The following NFASC variants were observed in gnomAD, a reference collection of about 807,000 sequenced individuals.
The protein encoded by NFASC is neurofascin, also known as neurofascin homolog.
In NFASC, 43 loss-of-function variants were observed where a neutral mutation model predicts 147.5. That is an observed-to-expected ratio of 0.29 (90% confidence interval 0.23 to 0.38). NFASC has a LOEUF of 0.38. NFASC is among the 10% of genes least tolerant of loss of function. The pLI is 1.00. For missense variants in NFASC, 1,320 were observed against 1,689.0 expected, an observed-to-expected ratio of 0.78 and a Z score of 3.83; for synonymous variants, 622 against 665.5, an observed-to-expected ratio of 0.93 and a Z score of 1.01.
chr1:204,995,202 C>T (rs570228624), intron 24 of NFASC, among the ~76,000 whole-genome samples: 2 of 152,194 alleles, frequency 1.3e-5, no homozygotes, highest in South Asian at 2.1e-4. Context: ...CACAGAGCAG[C>T]GGAAAGAGCC....
intron 1 of NFASC, among the ~76,000 whole-genome samples, chr1:204,836,628 T>C (rs1673881465): frequency 6.6e-6 from 1 of 152,264 alleles, no homozygotes; most frequent in Non-Finnish European, 1.5e-5. Flanking sequence ...ATGCAAGACA[T>C]TGTTGTCACT....
intron 27 of NFASC, among the ~76,000 whole-genome samples, chr1:205,008,056 G>GCTTTTCAGCCCGGGGCT (rs2096167345): frequency 6.6e-6 from 1 of 151,992 alleles, no homozygotes; most frequent in Non-Finnish European, 1.5e-5. Flanking sequence ...AGCCCGGGGC[G>GCTTTTCAGCCCGGGGCT]CCCTGGGCAA....
intron 8 of NFASC, among the ~76,000 whole-genome samples, chr1:204,962,797 A>G (rs148380076): frequency 4.9e-4 from 74 of 152,264 alleles, no homozygotes; most frequent in African/African-American, 1.8e-3. Context: ...CTTTGGTAGT[A>G]TATGCAAATC....
intron 15 of NFASC, among the ~76,000 whole-genome samples, chr1:204,976,429 A>G (rs1478528728): frequency 6.6e-5 from 10 of 152,212 alleles, no homozygotes; most frequent in Admixed American, 6.5e-4. Context: ...TGAAGGTGGC[A>G]AACGTGCTTC....
At chr1:204,949,995 T>C (rs2094000055) in intron 3 of NFASC, among the ~76,000 whole-genome samples, 1 of 152,200 alleles carries the variant, frequency 6.6e-6, no homozygotes, top group African/African-American at 2.4e-5. Flanking sequence ...CAATGTACCA[T>C]GAAAGGGGCA....
At chr1:204,972,534 G>A (rs2095291405) in intron 11 of NFASC, among the ~76,000 whole-genome samples, 1 of 152,166 alleles carries the variant, frequency 6.6e-6, no homozygotes, top group Admixed American at 6.5e-5. Context: ...TCCAGCCTCT[G>A]CTCTCTGCAT....
At chr1:204,985,428 C>G (rs1038885776) in intron 21 of NFASC, among the ~76,000 whole-genome samples, 2 of 152,170 alleles carry the variant, frequency 1.3e-5, no homozygotes, top group Admixed American at 1.3e-4. Context: ...TTCAGACTTC[C>G]GGGGGTAACT....
chr1:205,009,853 G>A lies in NFASC; in HGVS notation c.3421+165G>A, dbSNP rs560247482. On this transcript the variant is annotated intron_variant, in intron 28 of 29. Coordinates refer to ENST00000339876, the MANE Select transcript of NFASC (RefSeq NM_001005388.3). Reference sequence around the variant, plus strand: ...GCCTGTGCATCTTCAGACTGCCAGCGAGCACTTGAGTTAATTAAGTTCGCC... The same window carrying A: ...GCCTGTGCATCTTCAGACTGCCAGCAAGCACTTGAGTTAATTAAGTTCGCC... The A allele has an allele frequency of 6.7e-6, 5 of 750,312 alleles. No homozygotes were observed. The East Asian group carries it at 1.1e-4, about 16-fold the overall frequency. 46.5% of individuals were successfully genotyped at this position (750,312 alleles called of 1,614,324 possible).
At chr1:204,918,647 A>G (rs1300077682) in intron 1 of NFASC, among the ~76,000 whole-genome samples, 1 of 143,914 alleles carries the variant, frequency 6.9e-6, no homozygotes, top group Non-Finnish European at 1.5e-5. Flanking sequence ...GTGCAGTGGC[A>G]TGATCTCAGC....
intron 26 of NFASC, among the ~76,000 whole-genome samples, chr1:205,002,105 A>T (rs886441586): frequency 1.1e-4 from 16 of 152,190 alleles, no homozygotes; most frequent in African/African-American, 3.4e-4. Flanking sequence ...ATGCACAGGC[A>T]CACACTTTTT....
chr1:204,835,327 A>G (rs1673425955), intron 1 of NFASC, among the ~76,000 whole-genome samples: 1 of 149,136 alleles, frequency 6.7e-6, no homozygotes, highest in Non-Finnish European at 1.5e-5. Flanking sequence ...CTCCCAGGTC[A>G]AGCAATTCTC....
At position 204,950,558 on chromosome 1, in the gene NFASC, A is replaced by T; in HGVS notation, c.93A>T (p.Pro31=). 1 of 1,612,642 alleles carries T rather than the reference A, an allele frequency of 6.2e-7. No homozygotes were observed. Among genetic ancestry groups the T allele is most frequent in the Non-Finnish European group, 8.5e-7 (1 of 1,179,334 alleles). Residue 31 remains proline (P), a splice_region_variant and synonymous_variant, in exon 4 of 30, where the codon CCA becomes CCT. Coordinates refer to ENST00000339876, the MANE Select transcript of NFASC (RefSeq NM_001005388.3). ...ATGCTAACCCGTCGGAACTAACAGCAAGCATTCAGAATGAGCGTAAGTGCC... is the reference window on the plus strand; with the variant it reads ...ATGCTAACCCGTCGGAACTAACAGCTAGCATTCAGAATGAGCGTAAGTGCC... ...LGGAIEIPMD[P]SIQNELTQPP... is the part of the protein sequence containing the mutation.
intron 1 of NFASC, among the ~76,000 whole-genome samples, chr1:204,908,840 G>A (rs1316797185): frequency 2.0e-5 from 3 of 152,006 alleles, no homozygotes; most frequent in Non-Finnish European, 4.4e-5. Flanking sequence ...AACTTTTGGG[G>A]ACTGGCTTTT....
chr1:204,928,644 G>A (rs967118318), intron 2 of NFASC, among the ~76,000 whole-genome samples: 1 of 152,150 alleles, frequency 6.6e-6, no homozygotes, highest in Non-Finnish European at 1.5e-5. Context: ...ACAACTTAAA[G>A]GTCCATAACA....
At chr1:204,985,394 G>T (rs1029134815) in intron 21 of NFASC, among the ~76,000 whole-genome samples, 4 of 152,186 alleles carry the variant, frequency 2.6e-5, no homozygotes, top group African/African-American at 9.7e-5. Context: ...TTACTTCAAA[G>T]GATTAAATCA....
At chr1:204,959,113 CTTCT>C (rs1461253842) in intron 8 of NFASC, among the ~76,000 whole-genome samples, 1 of 150,292 alleles carries the variant, frequency 6.7e-6, no homozygotes, top group South Asian at 2.1e-4. Flanking sequence ...TTTTCACTTC[CTTCT>C]TTATTTCTCC....
At chr1:204,848,316 A>C (rs898960847) in intron 1 of NFASC, among the ~76,000 whole-genome samples, 4 of 152,160 alleles carry the variant, frequency 2.6e-5, no homozygotes, top group African/African-American at 9.7e-5. Flanking sequence ...CTGAGGCCTC[A>C]ACTTCCCCAG....
intron 27 of NFASC, among the ~76,000 whole-genome samples, chr1:205,007,997 A>G (rs2096163435): frequency 6.6e-6 from 1 of 152,124 alleles, no homozygotes; most frequent in Non-Finnish European, 1.5e-5. Flanking sequence ...CAGCCTACCT[A>G]GATCATGGTA....
intron 1 of NFASC, among the ~76,000 whole-genome samples, chr1:204,849,180 C>A (rs1341992904): frequency 6.6e-6 from 1 of 152,182 alleles, no homozygotes; most frequent in Non-Finnish European, 1.5e-5. Context: ...GACTTAGCAG[C>A]CTCAACCATG....
Sources: gnomAD v4.1 joint callset for allele counts (sites outside exome capture counted in the v4.1 genomes callset) on GRCh38, gnomAD v4.1.1 for gene constraint, MANE v1.5 for transcripts, NCBI Gene and HGNC (gene_info 2026-07-23, HGNC 2026-07-21) for gene names.